Variants in DAPK1 observed in about 807,000 individuals in gnomAD.
The protein encoded by DAPK1 is death-associated protein kinase 1.
Under a neutral mutation model 144.9 loss-of-function variants are expected in DAPK1, and 56 were observed. That is an observed-to-expected ratio of 0.39 (90% confidence interval 0.31 to 0.48). DAPK1 has a LOEUF of 0.48. Among genes scored for constraint, DAPK1 ranks in the 20% least tolerant of loss-of-function variants. DAPK1 has a pLI of 0.95. For missense variants in DAPK1, 1,454 were observed against 1,875.4 expected, an observed-to-expected ratio of 0.78 and a Z score of 4.15; for synonymous variants, 690 against 749.0, an observed-to-expected ratio of 0.92 and a Z score of 1.29.
chr9:87,613,078 TTCTC>T (rs899091926), intron 3 of DAPK1, among the ~76,000 whole-genome samples: 3 of 152,196 alleles, frequency 2.0e-5, no homozygotes, highest in Admixed American at 6.5e-5. Flanking sequence ...CCATTTAGCT[TTCTC>T]TCTCTTTCTT....
chr9:87,601,716 A>T (rs1828525283), intron 2 of DAPK1, among the ~76,000 whole-genome samples: 1 of 152,062 alleles, frequency 6.6e-6, no homozygotes, highest in African/African-American at 2.4e-5. Context: ...CGCTCATTTC[A>T]TCCTACTCCC....
At chr9:87,664,797 G>A (rs543633044) in intron 18 of DAPK1, among the ~76,000 whole-genome samples, 1 of 152,296 alleles carries the variant, frequency 6.6e-6, no homozygotes, top group South Asian at 2.1e-4. Context: ...ACTTCTCATG[G>A]GAATCAGAGC....
intron 2 of DAPK1, among the ~76,000 whole-genome samples, chr9:87,557,469 C>T (rs564299918): frequency 6.6e-6 from 1 of 152,168 alleles, no homozygotes; most frequent in African/African-American, 2.4e-5. Flanking sequence ...AAAACCATGC[C>T]GATTAAGGAA....
At position 87,707,395 on chromosome 9, in the gene DAPK1, T is replaced by C; in HGVS notation, c.*31T>C. 6.7e-7 allele frequency: 1 copy of C among 1,496,020 alleles called. No individual in the cohort carries two copies. Among genetic ancestry groups the C allele is most frequent in the Non-Finnish European group, 9.1e-7 (1 of 1,093,370 alleles). The allele number at this position is 1,496,020 out of a possible 1,614,324, so 92.7% of individuals were successfully genotyped here. Reference sequence around the variant, plus strand: ...GCCTCTGGCTTGGGCAGGGTCTGTTTGGACTGCAGAAGCAAGGGGGTGATG... The same window carrying C: ...GCCTCTGGCTTGGGCAGGGTCTGTTCGGACTGCAGAAGCAAGGGGGTGATG... On this transcript the variant is annotated 3_prime_UTR_variant, in exon 26 of 26. Coordinates refer to ENST00000408954, the MANE Select transcript of DAPK1 (RefSeq NM_004938.4). The surrounding 1 kb of genome is among the most constrained non-coding windows in gnomAD (Gnocchi z 4.0).
At chr9:87,590,774 A>T (rs1053042703) in intron 2 of DAPK1, among the ~76,000 whole-genome samples, 1 of 152,224 alleles carries the variant, frequency 6.6e-6, no homozygotes, top group Admixed American at 6.5e-5. Context: ...TTTTTTATAG[A>T]GATGGGGTCT....
At chr9:87,511,074 A>G (rs1267320783) in intron 2 of DAPK1, among the ~76,000 whole-genome samples, 1 of 152,150 alleles carries the variant, frequency 6.6e-6, no homozygotes, top group Non-Finnish European at 1.5e-5. Flanking sequence ...GGCCTCCCAC[A>G]GGCAGAGTGC....
At chr9:87,653,355 T>A (rs892227826) in intron 17 of DAPK1, among the ~76,000 whole-genome samples, 1 of 152,268 alleles carries the variant, frequency 6.6e-6, no homozygotes, top group African/African-American at 2.4e-5. Context: ...GAATATTACT[T>A]ATATGGACAT....
chr9:87,557,301 C>T (rs1826753843), intron 2 of DAPK1, among the ~76,000 whole-genome samples: 1 of 152,202 alleles, frequency 6.6e-6, no homozygotes, highest in African/African-American at 2.4e-5. Context: ...CATTTCCCAC[C>T]ATGGCCCTGT....
intron 2 of DAPK1, among the ~76,000 whole-genome samples, chr9:87,543,843 G>A (rs1312536991): frequency 6.6e-6 from 1 of 152,034 alleles, no homozygotes; most frequent in Non-Finnish European, 1.5e-5. Flanking sequence ...TGTGTGTTTG[G>A]ATTTTGTTTA....
At chr9:87,581,061 T>C (rs902443364) in intron 2 of DAPK1, among the ~76,000 whole-genome samples, 1 of 152,350 alleles carries the variant, frequency 6.6e-6, no homozygotes, top group South Asian at 2.1e-4. Flanking sequence ...ATCGCGTAAC[T>C]TATCTGAGTT....
rs781292414 is a variant in DAPK1, at chr9:87,703,136, C to T, written c.2979C>T (p.Tyr993=). 24 of 1,608,484 alleles carry T rather than the reference C, an allele frequency of 1.5e-5. No homozygotes were observed. The highest frequency in any genetic ancestry group is 2.7e-5 in the African/African-American group (2 of 74,834). Reference sequence around the variant, plus strand: ...TGATGTCGCTGCAGCAGTTTGTGTACGACGTGCAGGACCAGCTGAACCCCC... The same window carrying T: ...TGATGTCGCTGCAGCAGTTTGTGTATGACGTGCAGGACCAGCTGAACCCCC... ...NQLMSLQQFV[Y]DVQDQLNPLA... The change falls in exon 25 of 26, where the codon TAC becomes TAT. Residue 993 remains tyrosine (Y), a synonymous_variant. Coordinates refer to ENST00000408954, the MANE Select transcript of DAPK1 (RefSeq NM_004938.4).
chr9:87,657,442 TGGAAG>T (rs1830665578), intron 17 of DAPK1: 2 of 155,214 alleles, frequency 1.3e-5, no homozygotes, highest in South Asian at 3.9e-4. Flanking sequence ...CATGATGTCA[TGGAAG>T]GCAGGGTGGT....
At chr9:87,508,397 C>T (rs1284424746) in intron 2 of DAPK1, among the ~76,000 whole-genome samples, 2 of 149,424 alleles carry the variant, frequency 1.3e-5, no homozygotes, top group African/African-American at 5.0e-5. Context: ...GGCTGGAGTG[C>T]AGTGGCGCGA....
intron 2 of DAPK1, among the ~76,000 whole-genome samples, chr9:87,533,591 A>G (rs1229379484): frequency 1.3e-5 from 2 of 152,188 alleles, no homozygotes; most frequent in Non-Finnish European, 2.9e-5. Flanking sequence ...GAACCTTTTG[A>G]CAGTCAAAGA....
chr9:87,686,641 G>C lies in DAPK1; in HGVS notation c.2315G>C (p.Gly772Ala). ...SMMFEPGLTK[G>A]MLEVFVAPTH... ...ATGTTCGAGCCGGGTCTTACCAAAG[G>C]GATGCTGGAGGTGTTTGTGGCCCCG... is the stretch of plus-strand genomic sequence containing the variant. The change falls in exon 21 of 26, where the codon GGG becomes GCG. Residue 772 changes from glycine (G) to alanine (A), a missense_variant. Around this residue, in one of 2 missense-constraint regions of DAPK1, gnomAD observed 1,025 missense variants for 1,237.9 expected, o/e 0.83. Coordinates refer to ENST00000408954, the MANE Select transcript of DAPK1 (RefSeq NM_004938.4). The surrounding 1 kb of genome is among the most constrained non-coding windows in gnomAD (Gnocchi z 4.2). 6.2e-7 allele frequency: 1 copy of C among 1,611,500 alleles called. No individual in the cohort carries two copies. Among genetic ancestry groups the C allele is most frequent in the Non-Finnish European group, 8.5e-7 (1 of 1,177,904 alleles).
intron 2 of DAPK1, among the ~76,000 whole-genome samples, chr9:87,537,537 T>C (rs1275251048): frequency 2.0e-5 from 3 of 152,102 alleles, no homozygotes; most frequent in Non-Finnish European, 4.4e-5. Flanking sequence ...TGTATGTGTG[T>C]GTATGTGGAA....
chr9:87,660,261 C>T lies in DAPK1; in HGVS notation c.1923+2134C>T, dbSNP rs1002071169. Among the ~76,000 whole-genome samples the T allele has an allele frequency of 6.6e-5, 10 of 151,958 alleles. No individual in the cohort carries two copies. In the South Asian group the frequency reaches 1.7e-3, roughly 25 times the overall value. On this transcript the variant is annotated intron_variant, in intron 18 of 25. Transcript: ENST00000408954. ...CGCAGGGAACCGGGGCTTCCTCTCCCGTGGGCAGCCAGGGGAGGGTTCCGC... is the reference window on the plus strand; with the variant it reads ...CGCAGGGAACCGGGGCTTCCTCTCCTGTGGGCAGCCAGGGGAGGGTTCCGC...
intron 2 of DAPK1, among the ~76,000 whole-genome samples, chr9:87,559,353 G>A (rs958739891): frequency 2.6e-5 from 4 of 151,124 alleles, no homozygotes; most frequent in Non-Finnish European, 4.4e-5. Flanking sequence ...GGGTAGGGTA[G>A]CATCTACACC....
At position 87,633,418 on chromosome 9, in the gene DAPK1, G is replaced by C. The variant is rs36210371; in HGVS notation, c.285-4525G>C. On this transcript the variant is annotated intron_variant, in intron 3 of 25. Transcript: ENST00000408954. ...GCATCAGTTGATAAGTCCTGACCTA[G>C]TGGGATAGGGACTCTCCTAACCTTT... 5 of 982,118 alleles carry C rather than the reference G, an allele frequency of 5.1e-6. No homozygotes were observed. The South Asian group carries it at 1.4e-4, about 28-fold the overall frequency. The allele number at this position is 982,118 out of a possible 1,614,324, so 60.8% of individuals were successfully genotyped here.
Sources: gnomAD v4.1 joint callset for allele counts (sites outside exome capture counted in the v4.1 genomes callset) on GRCh38, gnomAD v4.1.1 for gene constraint, gnomAD v4.1.1 regional missense constraint, Gnocchi (gnomAD v3.1) non-coding constraint, MANE v1.5 for transcripts, NCBI Gene and HGNC (gene_info 2026-07-23, HGNC 2026-07-21) for gene names.